SYNE2: variants seen among roughly 807,000 people sequenced by gnomAD.
SYNE2 encodes spectrin repeat containing nuclear envelope protein 2.
In SYNE2, 431 loss-of-function variants were observed where a neutral mutation model predicts 856.3. The observed-to-expected ratio is 0.50, with a 90% confidence interval of 0.47 to 0.55. The LOEUF (loss-of-function observed/expected upper bound fraction) is 0.55, where lower values mean the gene tolerates loss of function less well. Among genes scored for constraint, SYNE2 ranks in the 20% least tolerant of loss-of-function variants. SYNE2 has a pLI of 0.00. For synonymous variants in SYNE2, 2,923 were observed against 2,872.3 expected, an observed-to-expected ratio of 1.02 and a Z score of -0.56; for missense variants, 8,129 against 8,023.2, an observed-to-expected ratio of 1.01 and a Z score of -0.50.
chr14:64,017,601 G>T lies in SYNE2; in HGVS notation c.4894G>T (p.Glu1632Ter). Residue 1632 changes from glutamate to a stop codon, truncating the protein, a stop_gained, in exon 34 of 116, where the codon GAG becomes TAG. Coordinates refer to ENST00000555002, the MANE Select transcript of SYNE2 (RefSeq NM_182914.3). LOFTEE classifies it high-confidence loss of function. ...TCTTTTTAAATTATGGTAGATAAAT[G>T]AGAAGACAGAAGATTACTATGAAAA... ...IIVDRWLDIN[E>*]KTEDYYENLG... 6.2e-7 allele frequency: 1 copy of T among 1,611,428 alleles called. No individual in the cohort carries two copies. Among genetic ancestry groups the T allele is most frequent in the South Asian group, 1.1e-5 (1 of 90,922 alleles).
chr14:63,778,763 C>T (rs565789401), intron 1 of SYNE2, among the ~76,000 whole-genome samples: 7 of 152,232 alleles, frequency 4.6e-5, no homozygotes, highest in African/African-American at 1.7e-4. Context: ...AATCCACCCA[C>T]ACTGGCCTCC....
At chr14:63,981,623 G>A (rs2096586243) in intron 16 of SYNE2, among the ~76,000 whole-genome samples, 1 of 152,170 alleles carries the variant, frequency 6.6e-6, no homozygotes, top group East Asian at 1.9e-4. Context: ...GGAAAATCAA[G>A]ATACCGTAAC....
chr14:63,980,429 G>A (rs572234658), intron 14 of SYNE2, among the ~76,000 whole-genome samples: 1 of 152,222 alleles, frequency 6.6e-6, no homozygotes, highest in African/African-American at 2.4e-5. Flanking sequence ...ACCACATTAA[G>A]ATCAATTTTA....
In SYNE2 at chr14:63,803,555, C is replaced by G. The variant is rs753572992; in HGVS notation, c.-305+41569C>G. On this transcript the variant is annotated intron_variant, in intron 1 of 23. Coordinates refer to the SYNE2 transcript ENST00000674003. ...GGGCAGCAGGGCTGGCCGGCTGCTC[C>G]GAGTGCGGGGCCCGCCAAGCCCATG... is the stretch of plus-strand genomic sequence containing the variant. Among the ~76,000 whole-genome samples the G allele has an allele frequency of 2.0e-5, 3 of 152,200 alleles. No homozygotes were observed. The South Asian group carries it at 6.2e-4, about 32-fold the overall frequency.
At chr14:63,830,794 G>T (rs1390659456) in intron 1 of SYNE2, among the ~76,000 whole-genome samples, 1 of 151,194 alleles carries the variant, frequency 6.6e-6, no homozygotes, top group Non-Finnish European at 1.5e-5. Flanking sequence ...ATTATTAAAT[G>T]GGAGCCTATT....
intron 2 of SYNE2, among the ~76,000 whole-genome samples, chr14:63,925,502 A>G (rs989858182): frequency 6.6e-6 from 1 of 152,180 alleles, no homozygotes; most frequent in African/African-American, 2.4e-5. Context: ...TTGTGTTTCA[A>G]ACAATCCAGT....
intron 6 of SYNE2, among the ~76,000 whole-genome samples, chr14:63,943,221 G>T (rs376440072): frequency 5.4e-4 from 82 of 152,312 alleles, no homozygotes; most frequent in African/African-American, 1.9e-3. Flanking sequence ...TCGTTTCACA[G>T]ATATTTTTGA....
At chr14:63,787,028 G>A (rs1017192703) in intron 1 of SYNE2, among the ~76,000 whole-genome samples, 2 of 152,168 alleles carry the variant, frequency 1.3e-5, no homozygotes, top group African/African-American at 4.8e-5. Context: ...CTCCCAAAGT[G>A]CTAGGATTAC....
In SYNE2 at chr14:64,127,360, A is replaced by G. The variant is rs372010590; in HGVS notation, c.13917+553A>G. On this transcript the variant is annotated intron_variant, in intron 73 of 115. Coordinates refer to ENST00000555002, the MANE Select transcript of SYNE2 (RefSeq NM_182914.3). ...GAGGCCTAGGTAGGTGGATTGCTTGAGCCCAGGAGTTCAAGACCAGCCTGG... is the reference window on the plus strand; with the variant it reads ...GAGGCCTAGGTAGGTGGATTGCTTGGGCCCAGGAGTTCAAGACCAGCCTGG... Among the ~76,000 whole-genome samples the G allele has an allele frequency of 1.1e-4, 17 of 152,266 alleles. No individual in the cohort carries two copies. The East Asian group carries it at 3.1e-3, about 28-fold the overall frequency.
chr14:64,122,202 T>C (rs2097903483), intron 69 of SYNE2, 69 bp downstream of exon 69: 10 of 1,614,068 alleles, frequency 6.2e-6, no homozygotes, highest in Non-Finnish European at 7.6e-6. Context: ...AGTGTTTCTT[T>C]TAAAAATTGC....
At chr14:64,125,770 A>T (rs899073123) in intron 71 of SYNE2, among the ~76,000 whole-genome samples, 1 of 152,296 alleles carries the variant, frequency 6.6e-6, no homozygotes, top group African/African-American at 2.4e-5. Flanking sequence ...AATGCATGAC[A>T]CTGGGGACGT....
intron 10 of SYNE2, among the ~76,000 whole-genome samples, chr14:63,964,244 C>G (rs975009117): frequency 6.6e-6 from 1 of 152,198 alleles, no homozygotes; most frequent in Non-Finnish European, 1.5e-5. Flanking sequence ...GTGTTTCTAA[C>G]AAGGTCTCAG....
At chr14:64,155,109 A>G (rs1478703115) in intron 85 of SYNE2, among the ~76,000 whole-genome samples, 1 of 152,090 alleles carries the variant, frequency 6.6e-6, no homozygotes, top group African/African-American at 2.4e-5. Flanking sequence ...TAGCAGTTCT[A>G]CTCCTCCATA....
At chr14:63,935,905 C>T (rs764492759) in intron 2 of SYNE2, among the ~76,000 whole-genome samples, 23 of 152,222 alleles carry the variant, frequency 1.5e-4, no homozygotes, top group Admixed American at 1.1e-3. Context: ...GACGGAGTCT[C>T]GCTCTGTCAC....
At chr14:63,800,096 A>G (rs1019877060) in intron 1 of SYNE2, among the ~76,000 whole-genome samples, 1 of 152,326 alleles carries the variant, frequency 6.6e-6, no homozygotes, top group East Asian at 1.9e-4. Flanking sequence ...TAGCCTGTTC[A>G]TTTGAGGTTC....
intron 65 of SYNE2, chr14:64,113,033 C>T: frequency 6.1e-6 from 6 of 985,356 alleles, no homozygotes; most frequent in Non-Finnish European, 4.8e-6. Flanking sequence ...CGGACACACA[C>T]ACACCCTGTC....
At chr14:63,924,846 T>TTTTTG in intron 2 of SYNE2, among the ~76,000 whole-genome samples, 3 of 103,826 alleles carry the variant, frequency 2.9e-5, no homozygotes, top group African/African-American at 1.1e-4. Flanking sequence ...TTTTTTTTTT[T>TTTTTG]TTTTTTTTTT....
At position 63,977,948 on chromosome 14, in the gene SYNE2, C is replaced by T. The variant is rs1273019375; in HGVS notation, c.1337C>T (p.Thr446Ile). The T allele has an allele frequency of 1.2e-6, 2 of 1,613,748 alleles. No homozygotes were observed. Among genetic ancestry groups the T allele is most frequent in the East Asian group, 4.5e-5 (2 of 44,874 alleles). The stretch of plus-strand genomic sequence containing the variant: ...GAGCATCATTCGAACATTCTCCTTA[C>T]CTTTGAAAATAAGGATGAAAATCAC... ...RFEHHSNILL[T>I]FENKDENHLP... Residue 446 changes from threonine to isoleucine, a missense_variant, in exon 13 of 116, where the codon ACC (threonine) becomes ATC (isoleucine). Thr to Ile is a moderately conservative substitution (Grantham distance 89). Coordinates refer to ENST00000555002, the MANE Select transcript of SYNE2 (RefSeq NM_182914.3).
intron 2 of SYNE2, among the ~76,000 whole-genome samples, chr14:63,912,141 C>T (rs1481367945): frequency 6.6e-6 from 1 of 152,052 alleles, no homozygotes; most frequent in Non-Finnish European, 1.5e-5. Context: ...AGTTCCCATA[C>T]CTATAAGATG....
Sources: allele counts gnomAD v4.1 joint callset (sites outside exome capture counted in the v4.1 genomes callset), GRCh38; gene constraint gnomAD v4.1.1; transcripts MANE v1.5; gene names NCBI Gene and HGNC (gene_info 2026-07-23, HGNC 2026-07-21).